The following CTNNA3 variants were observed in gnomAD, a reference collection of about 807,000 sequenced individuals.
CTNNA3 encodes catenin alpha 3.
Under a neutral mutation model 95.7 loss-of-function variants are expected in CTNNA3, and 76 were observed. That is an observed-to-expected ratio of 0.79 (90% confidence interval 0.66 to 0.96). CTNNA3 has a LOEUF of 0.96. CTNNA3 is among the 40% of genes least tolerant of loss of function. CTNNA3 has a pLI of 0.00. For synonymous variants in CTNNA3, 431 were observed against 374.4 expected (o/e 1.15, Z -1.74); for missense variants, 1,191 against 1,089.8 (o/e 1.09, Z -1.31).
At chr10:67,216,210 A>T (rs966067342) in intron 6 of CTNNA3, among the ~76,000 whole-genome samples, 1 of 152,172 alleles carries the variant, frequency 6.6e-6, no homozygotes, top group Non-Finnish European at 1.5e-5. Flanking sequence ...TATTACCCTT[A>T]GTAAAAGACA....
At chr10:67,593,287 T>C (rs765442120) in intron 3 of CTNNA3, among the ~76,000 whole-genome samples, 1 of 152,156 alleles carries the variant, frequency 6.6e-6, no homozygotes, top group Non-Finnish European at 1.5e-5. Flanking sequence ...CACATGAGTG[T>C]ATGTGTCTTT....
chr10:66,944,761 A>G (rs953185962), intron 7 of CTNNA3, among the ~76,000 whole-genome samples: 3 of 152,188 alleles, frequency 2.0e-5, no homozygotes, highest in African/African-American at 7.2e-5. Context: ...TTATTCCCTG[A>G]TTCATAGGCT....
chr10:66,685,309 G>A (rs12265677), intron 9 of CTNNA3, among the ~76,000 whole-genome samples: 3 of 28,880 alleles, frequency 1.0e-4, no homozygotes, highest in South Asian at 1.5e-3. Context: ...GTATATATAT[G>A]TGTGTGTGTA....
chr10:65,914,821 C>T lies in CTNNA3; in HGVS notation c.*5509G>A, dbSNP rs759832388. 9.2e-5 allele frequency: 14 copies of T among 152,082 alleles called. No homozygotes were observed. The highest frequency in any genetic ancestry group is 1.5e-4 in the Non-Finnish European group (10 of 68,012). The allele number at this position is 152,082 out of a possible 1,614,324, so 9.4% of individuals were successfully genotyped here. On this transcript the variant is annotated 3_prime_UTR_variant, in exon 18 of 18. Transcript: ENST00000433211. The stretch of plus-strand genomic sequence containing the variant: ...CGTAAATAACTTACTTCCCATGTAC[C>T]TGACACTCTACATTCAGTTAATAGA...
At chr10:66,467,323 G>A (rs1165440947) in intron 11 of CTNNA3, among the ~76,000 whole-genome samples, 1 of 151,976 alleles carries the variant, frequency 6.6e-6, no homozygotes, top group African/African-American at 2.4e-5. Context: ...AATTCATGCT[G>A]GTCATAACAA....
At chr10:66,519,212 A>G (rs562178954) in intron 11 of CTNNA3, among the ~76,000 whole-genome samples, 1 of 152,272 alleles carries the variant, frequency 6.6e-6, no homozygotes, top group Non-Finnish European at 1.5e-5. Context: ...TACAACACAA[A>G]CAAAACTTGA....
At chr10:67,555,466 T>G (rs1414424112) in intron 3 of CTNNA3, among the ~76,000 whole-genome samples, 1 of 152,198 alleles carries the variant, frequency 6.6e-6, no homozygotes, top group Admixed American at 6.5e-5. Context: ...AAGAGATCCT[T>G]CACATATCTT....
chr10:66,145,601 A>G (rs1467159042), intron 13 of CTNNA3, among the ~76,000 whole-genome samples: 1 of 152,132 alleles, frequency 6.6e-6, no homozygotes, highest in African/African-American at 2.4e-5. Flanking sequence ...GAAAGAGGTA[A>G]CCACTGGTTC....
chr10:66,195,844 A>C (rs1313038537), intron 13 of CTNNA3, among the ~76,000 whole-genome samples: 1 of 151,616 alleles, frequency 6.6e-6, no homozygotes, highest in Non-Finnish European at 1.5e-5. Context: ...TGAAAAAGCA[A>C]CATCCTGCTG....
At chr10:66,926,698 A>G (rs1326501661) in intron 7 of CTNNA3, 6 of 1,281,680 alleles carry the variant, frequency 4.7e-6, no homozygotes, top group Non-Finnish European at 6.6e-6. Flanking sequence ...GCTCTGCTCT[A>G]AGACTATGAA....
intron 13 of CTNNA3, among the ~76,000 whole-genome samples, chr10:66,164,969 A>G (rs2085050265): frequency 6.6e-6 from 1 of 152,154 alleles, no homozygotes; most frequent in South Asian, 2.1e-4. Flanking sequence ...GAAAGGAAAA[A>G]GGGAAAATTT....
intron 11 of CTNNA3, among the ~76,000 whole-genome samples, chr10:66,515,788 T>C (rs1840830832): frequency 6.6e-6 from 1 of 152,026 alleles, no homozygotes; most frequent in Non-Finnish European, 1.5e-5. Flanking sequence ...TTAACCTCAC[T>C]ATCACAAGAA....
chr10:67,115,808 G>C lies in CTNNA3; in HGVS notation c.1047+64509C>G, dbSNP rs79326662. ...ACAAGCAGAAAGGGGCTCTCTTTTA[G>C]GTCAGAGCTGATCTTTAGTTGTTTT... On this transcript the variant is annotated intron_variant, in intron 7 of 17. Transcript: ENST00000433211. Among the ~76,000 whole-genome samples the C allele has an allele frequency of 9.8e-3, 1,493 of 151,824 alleles. 69 individuals carry two copies. In the East Asian group the frequency reaches 0.14, roughly 14 times the overall value.
chr10:66,850,974 A>G (rs1025882466), intron 7 of CTNNA3, among the ~76,000 whole-genome samples: 1 of 152,094 alleles, frequency 6.6e-6, no homozygotes, highest in Non-Finnish European at 1.5e-5. Flanking sequence ...TTATTTTTCT[A>G]AACTATTATA....
intron 7 of CTNNA3, among the ~76,000 whole-genome samples, chr10:67,024,305 T>C (rs1001042906): frequency 3.9e-5 from 6 of 152,210 alleles, no homozygotes; most frequent in Admixed American, 3.3e-4. Flanking sequence ...ACTGCTTCTG[T>C]CTTTATATTT....
chr10:67,497,136 T>A (rs1839050515), intron 5 of CTNNA3, among the ~76,000 whole-genome samples: 1 of 152,106 alleles, frequency 6.6e-6, no homozygotes, highest in Non-Finnish European at 1.5e-5. Context: ...CCTGTGCCCA[T>A]GTATTCTCAT....
intron 7 of CTNNA3, among the ~76,000 whole-genome samples, chr10:67,140,506 A>T (rs1329353395): frequency 6.6e-6 from 1 of 152,162 alleles, no homozygotes; most frequent in African/African-American, 2.4e-5. Context: ...ATTTAAAATA[A>T]TTTTTTTAAA....
intron 13 of CTNNA3, among the ~76,000 whole-genome samples, chr10:66,140,890 G>A (rs939457921): frequency 3.3e-5 from 5 of 152,100 alleles, no homozygotes; most frequent in Non-Finnish European, 5.9e-5. Flanking sequence ...TGTCATTGTT[G>A]TTGCTGTTGG....
chr10:67,121,128 T>C (rs967107074), intron 7 of CTNNA3, among the ~76,000 whole-genome samples: 2 of 152,086 alleles, frequency 1.3e-5, no homozygotes, highest in African/African-American at 4.8e-5. Context: ...ATTTTTAAAC[T>C]AATAATAGTT....
Sources: allele counts gnomAD v4.1 joint callset (sites outside exome capture counted in the v4.1 genomes callset), GRCh38; gene constraint gnomAD v4.1.1; transcripts MANE v1.5; gene names NCBI Gene and HGNC (gene_info 2026-07-23, HGNC 2026-07-21).